DSCAML1: variants seen among roughly 807,000 people sequenced by gnomAD.
DSCAML1 encodes the protein DS cell adhesion molecule like 1, also known as cell adhesion molecule DSCAML1.
In DSCAML1, 38 loss-of-function variants were observed where a neutral mutation model predicts 200.5. The ratio of observed to expected loss-of-function variants is 0.19; its 90% CI spans 0.15 to 0.25. The LOEUF (loss-of-function observed/expected upper bound fraction) is 0.25. Among genes scored for constraint, DSCAML1 ranks in the 10% least tolerant of loss-of-function variants. The pLI, the probability that DSCAML1 is intolerant of heterozygous loss-of-function variation, is 1.00. For missense variants in DSCAML1, 2,223 were observed against 2,858.8 expected (o/e 0.78, Z 5.07); for synonymous variants, 1,215 against 1,165.0 (o/e 1.04, Z -0.87).
chr11:117,695,325 T>C (rs1411468938), intron 3 of DSCAML1, among the ~76,000 whole-genome samples: 2 of 149,736 alleles, frequency 1.3e-5, no homozygotes, highest in African/African-American at 4.9e-5. Context: ...CTTTTTTTTT[T>C]TTTTTTTTTG....
At chr11:117,662,155 T>G (rs888405530) in intron 3 of DSCAML1, among the ~76,000 whole-genome samples, 1 of 152,210 alleles carries the variant, frequency 6.6e-6, no homozygotes, top group Non-Finnish European at 1.5e-5. Context: ...AAGAGAGGGT[T>G]TGTCTCAGTC....
intron 27 of DSCAML1, among the ~76,000 whole-genome samples, chr11:117,434,418 C>T (rs2047866511): frequency 6.6e-6 from 1 of 152,164 alleles, no homozygotes; most frequent in South Asian, 2.1e-4. Context: ...TCCAACCACT[C>T]CTTTAACCAT....
intron 1 of DSCAML1, among the ~76,000 whole-genome samples, chr11:117,794,189 T>G (rs1422768234): frequency 6.6e-6 from 1 of 152,164 alleles, no homozygotes; most frequent in East Asian, 1.9e-4. Flanking sequence ...ATGCAATCCA[T>G]TATTTTGGCT....
chr11:117,687,439 T>TA (rs1308621830), intron 3 of DSCAML1, among the ~76,000 whole-genome samples: 1 of 147,014 alleles, frequency 6.8e-6, no homozygotes, highest in Non-Finnish European at 1.5e-5. Flanking sequence ...TTTTTTTTTT[T>TA]TTTTTTTTTA....
intron 3 of DSCAML1, among the ~76,000 whole-genome samples, chr11:117,761,677 C>T (rs1411776556): frequency 6.6e-6 from 1 of 152,150 alleles, no homozygotes; most frequent in Non-Finnish European, 1.5e-5. Flanking sequence ...TCAAGACCAG[C>T]CTGGGCAACA....
chr11:117,796,048 G>T (rs903800932), intron 1 of DSCAML1, among the ~76,000 whole-genome samples: 1 of 152,248 alleles, frequency 6.6e-6, no homozygotes, highest in Non-Finnish European at 1.5e-5. Flanking sequence ...TGCGCGCCCG[G>T]GGGCACGTCC....
At chr11:117,452,578 G>T (rs1394705934) in intron 19 of DSCAML1, among the ~76,000 whole-genome samples, 1 of 152,040 alleles carries the variant, frequency 6.6e-6, no homozygotes, top group East Asian at 1.9e-4. Context: ...TTAATTGGAG[G>T]ATTTAGTTAA....
At chr11:117,742,190 T>C (rs116362266) in intron 3 of DSCAML1, among the ~76,000 whole-genome samples, 280 of 152,208 alleles carry the variant, frequency 1.8e-3, no homozygotes, top group African/African-American at 6.6e-3. Context: ...CAATCCTGAG[T>C]TCAGGCCCTC....
At chr11:117,530,075 C>T (rs531164395) in intron 4 of DSCAML1, among the ~76,000 whole-genome samples, 1 of 152,082 alleles carries the variant, frequency 6.6e-6, no homozygotes, top group Non-Finnish European at 1.5e-5. Flanking sequence ...CTCTTTGTGC[C>T]GGGGCCTCTC....
At chr11:117,593,387 A>G (rs2051297950) in intron 3 of DSCAML1, among the ~76,000 whole-genome samples, 1 of 152,206 alleles carries the variant, frequency 6.6e-6, no homozygotes, top group African/African-American at 2.4e-5. Context: ...TGGGTCACTC[A>G]GGTGGTACCT....
In DSCAML1 at chr11:117,780,304, G is replaced by GAAAA. The variant is rs71037499; in HGVS notation, c.364+188_364+189insTTTT. 1.0e-5 allele frequency among the ~76,000 whole-genome samples: 1 copy of GAAAA among 98,360 alleles called. No homozygotes were observed. The highest frequency in any genetic ancestry group is 2.2e-5 in the Non-Finnish European group (1 of 45,044). 64.5% of individuals were successfully genotyped at this position (98,360 alleles called of 152,430 possible). ...AGAAAGAAAGAAAGAAAGAAAGAAA[G>GAAAA]AGAGAAAGGAGAAAGAAAGGTGTCT... is the stretch of plus-strand genomic sequence containing the variant. On this transcript the variant is annotated intron_variant, in intron 2 of 32. Transcript: ENST00000651296. The surrounding 1 kb of genome is among the most constrained non-coding windows in gnomAD (Gnocchi z 4.8).
intron 3 of DSCAML1, among the ~76,000 whole-genome samples, chr11:117,718,674 C>G (rs201363898): frequency 6.1e-5 from 4 of 65,944 alleles, no homozygotes; most frequent in Non-Finnish European, 1.0e-4. Context: ...CAAAACCCCC[C>G]CCCCCCCCCA....
At chr11:117,777,816 C>A (rs1382756325) in intron 2 of DSCAML1, among the ~76,000 whole-genome samples, 1 of 152,180 alleles carries the variant, frequency 6.6e-6, no homozygotes, top group Non-Finnish European at 1.5e-5. Flanking sequence ...GCAGACCCAG[C>A]CCTAGGAATG....
At chr11:117,682,369 A>G (rs1182300164) in intron 3 of DSCAML1, among the ~76,000 whole-genome samples, 1 of 152,048 alleles carries the variant, frequency 6.6e-6, no homozygotes, top group Non-Finnish European at 1.5e-5. Flanking sequence ...CCCTCCCATG[A>G]GCCACTCATT....
chr11:117,780,245 A>AAAG lies in DSCAML1; in HGVS notation c.364+245_364+247dup. Among the ~76,000 whole-genome samples, 1 of 81,634 alleles carries AAAG rather than the reference A, an allele frequency of 1.2e-5. No individual in the cohort carries two copies. The highest frequency in any genetic ancestry group is 4.3e-5 in the African/African-American group (1 of 23,442). The allele number at this position is 81,634 out of a possible 152,430, so 53.6% of individuals were successfully genotyped here. ...AAAGAAAGAAAGGAAAGAAAGAAAG[A>AAAG]AAGAAAGAAAGAAAGAAAGAAAGAA... On this transcript the variant is annotated intron_variant, in intron 2 of 32. Coordinates refer to ENST00000651296, the MANE Select transcript of DSCAML1 (RefSeq NM_020693.4). The surrounding 1 kb of genome is among the most constrained non-coding windows in gnomAD (Gnocchi z 4.8).
chr11:117,670,614 G>A (rs2053084795), intron 3 of DSCAML1, among the ~76,000 whole-genome samples: 1 of 152,136 alleles, frequency 6.6e-6, no homozygotes, highest in South Asian at 2.1e-4. Context: ...GGTCAGCTGA[G>A]GCTATTGTCA....
chr11:117,619,690 A>G (rs769637646), intron 3 of DSCAML1, among the ~76,000 whole-genome samples: 1 of 146,422 alleles, frequency 6.8e-6, no homozygotes, highest in Non-Finnish European at 1.6e-5. Context: ...AAATGGTTAC[A>G]TTTTGGGAAA....
chr11:117,442,512 G>C (rs1273263848), intron 21 of DSCAML1, among the ~76,000 whole-genome samples: 5 of 152,112 alleles, frequency 3.3e-5, no homozygotes, highest in Non-Finnish European at 7.4e-5. Context: ...TGCAGTGTGT[G>C]TGTGCGTGTG....
chr11:117,491,081 G>A (rs2049172865), intron 11 of DSCAML1, among the ~76,000 whole-genome samples: 1 of 152,212 alleles, frequency 6.6e-6, no homozygotes, highest in Non-Finnish European at 1.5e-5. Flanking sequence ...AAGGAGAGGA[G>A]CGAGCGAGCA....
Sources: gnomAD v4.1 joint callset for allele counts (sites outside exome capture counted in the v4.1 genomes callset) on GRCh38, gnomAD v4.1.1 for gene constraint, Gnocchi (gnomAD v3.1) non-coding constraint, MANE v1.5 for transcripts, NCBI Gene and HGNC (gene_info 2026-07-23, HGNC 2026-07-21) for gene names.